Variants in GALNT13 observed in about 807,000 individuals in gnomAD.
The protein encoded by GALNT13 is UDP-GalNAc:polypeptide N-acetylgalactosaminyltransferase 13.
A neutral mutation model predicts 64.2 loss-of-function variants in GALNT13; 28 were observed. The observed-to-expected ratio is 0.44, with a 90% CI of 0.32 to 0.60. GALNT13 has a LOEUF of 0.60. Among genes scored for constraint, GALNT13 ranks in the 20% least tolerant of loss-of-function variants. GALNT13 has a pLI of 0.05. For synonymous variants in GALNT13, 214 were observed against 224.6 expected (o/e 0.95, Z 0.42); for missense variants, 577 against 669.8 (o/e 0.86, Z 1.53).
chr2:153,598,061 G>A, the GALNT13 span, among the ~76,000 whole-genome samples: 1 of 152,060 alleles, frequency 6.6e-6, no homozygotes, highest in African/African-American at 2.4e-5. Flanking sequence ...TTATAAATAT[G>A]AAGTATAAAA....
chr2:153,544,239 T>G, the GALNT13 span, among the ~76,000 whole-genome samples: 1 of 152,194 alleles, frequency 6.6e-6, no homozygotes, highest in African/African-American at 2.4e-5. Context: ...GCTGCATGAG[T>G]TATAAAACCT....
the GALNT13 span, among the ~76,000 whole-genome samples, chr2:153,628,339 C>T: frequency 6.6e-6 from 1 of 152,026 alleles, no homozygotes; most frequent in African/African-American, 2.4e-5. Context: ...CCCTTTATTT[C>T]CTTCTCCTGC....
chr2:154,325,409 C>T (rs553667052), intron 9 of GALNT13, among the ~76,000 whole-genome samples: 300 of 152,190 alleles, frequency 2.0e-3, no homozygotes, highest in Non-Finnish European at 3.6e-3. Context: ...GATTAAGGCC[C>T]TCAAATACAC....
rs143567957 is a variant in GALNT13 at position 154,113,358 on chromosome 2, G to A, written c.143-26979G>A. On this transcript the variant is annotated intron_variant, in intron 3 of 12. Transcript: ENST00000392825. ...CTAGATCTGTTGCGGAGCCTTCTCCGCCTGGATTCCACTCCAAACTGGCAG... is the reference window on the plus strand; with the variant it reads ...CTAGATCTGTTGCGGAGCCTTCTCCACCTGGATTCCACTCCAAACTGGCAG... Among the ~76,000 whole-genome samples, 22 of 152,280 alleles carry A rather than the reference G, an allele frequency of 1.4e-4. No individual in the cohort carries two copies. The East Asian group carries it at 3.5e-3, about 24-fold the overall frequency.
At chr2:153,719,604 G>A in the GALNT13 span, among the ~76,000 whole-genome samples, 2 of 152,126 alleles carry the variant, frequency 1.3e-5, no homozygotes, top group African/African-American at 4.8e-5. Flanking sequence ...GTGGGTGCGC[G>A]CACCGTGCAC....
chr2:153,817,812 T>C, the GALNT13 span, among the ~76,000 whole-genome samples: 2 of 152,204 alleles, frequency 1.3e-5, no homozygotes, highest in African/African-American at 4.8e-5. Flanking sequence ...AAGTATAAAC[T>C]ACCCAAATTT....
the GALNT13 span, among the ~76,000 whole-genome samples, chr2:153,674,043 A>G: frequency 6.6e-6 from 1 of 152,212 alleles, no homozygotes; most frequent in East Asian, 1.9e-4. Context: ...TGCTCAATGA[A>G]ATAAAAGAGG....
chr2:154,381,837 C>T (rs1416475207), intron 9 of GALNT13, among the ~76,000 whole-genome samples: 2 of 152,040 alleles, frequency 1.3e-5, no homozygotes, highest in Non-Finnish European at 2.9e-5. Context: ...ATTTTTTCCC[C>T]AGAATCTTTT....
Position 153,952,159 on chromosome 2 carries a change from T to G in GALNT13, c.142+7520T>G, listed in dbSNP as rs564458593. Among the ~76,000 whole-genome samples the G allele has an allele frequency of 9.9e-5, 15 of 152,250 alleles. No individual in the cohort carries two copies. In the South Asian group the frequency reaches 2.3e-3, roughly 23 times the overall value. On this transcript the variant is annotated intron_variant, in intron 3 of 12. Transcript: ENST00000392825. ...GCTGCTACTCCTAATTTGGCAGAGT[T>G]AGAATAGGTATTTGAGAGAATAGGT... is the stretch of plus-strand genomic sequence containing the variant.
chr2:153,765,245 A>G, the GALNT13 span, among the ~76,000 whole-genome samples: 2 of 152,210 alleles, frequency 1.3e-5, no homozygotes, highest in Non-Finnish European at 2.9e-5. Flanking sequence ...AGACAACGCC[A>G]GCCTGTGAAA....
intron 3 of GALNT13, among the ~76,000 whole-genome samples, chr2:153,972,713 C>T (rs549914838): frequency 6.6e-6 from 1 of 152,034 alleles, no homozygotes. Flanking sequence ...TTTATTGCTT[C>T]AGCTTGTGAT....
the GALNT13 span, among the ~76,000 whole-genome samples, chr2:153,495,225 A>G: frequency 7.4e-4 from 112 of 152,250 alleles, 1 homozygote; most frequent in Non-Finnish European, 1.5e-5. Flanking sequence ...TCCTTTAGAA[A>G]TCTGTTTGGC....
chr2:153,940,273 T>C (rs543102012), intron 2 of GALNT13, among the ~76,000 whole-genome samples: 1 of 151,294 alleles, frequency 6.6e-6, no homozygotes, highest in South Asian at 2.1e-4. Context: ...TTTTTTTTTT[T>C]TTTTGACAGA....
intron 9 of GALNT13, among the ~76,000 whole-genome samples, chr2:154,367,093 A>G (rs1406193484): frequency 1.3e-5 from 2 of 152,180 alleles, no homozygotes; most frequent in African/African-American, 4.8e-5. Context: ...TTGAAATTAT[A>G]TAACAGAGTA....
chr2:153,226,538 T>C, the GALNT13 span, among the ~76,000 whole-genome samples: 17 of 152,314 alleles, frequency 1.1e-4, no homozygotes, highest in South Asian at 3.5e-3. Flanking sequence ...AAAATGGTAC[T>C]TTACCTTGTG....
chr2:153,169,555 T>A, the GALNT13 span, among the ~76,000 whole-genome samples: 10 of 152,162 alleles, frequency 6.6e-5, no homozygotes, highest in African/African-American at 2.4e-4. Context: ...GGGTACTGCA[T>A]GTCTGATGGG....
chr2:153,376,209 A>C, the GALNT13 span, among the ~76,000 whole-genome samples: 1 of 152,168 alleles, frequency 6.6e-6, no homozygotes, highest in Non-Finnish European at 1.5e-5. Context: ...GGTAAAACTG[A>C]GAGGAATGTG....
the GALNT13 span, among the ~76,000 whole-genome samples, chr2:153,588,847 C>G: frequency 6.6e-6 from 1 of 152,182 alleles, no homozygotes; most frequent in Admixed American, 6.5e-5. Flanking sequence ...ACCTATGTCA[C>G]TCCTTGAATG....
intron 9 of GALNT13, among the ~76,000 whole-genome samples, chr2:154,315,754 ATTG>A (rs1205986722): frequency 6.6e-6 from 1 of 152,226 alleles, no homozygotes; most frequent in Non-Finnish European, 1.5e-5. Flanking sequence ...TGAAAGACTT[ATTG>A]TTGGTTACTT....
Sources: allele counts gnomAD v4.1 joint callset (sites outside exome capture counted in the v4.1 genomes callset), GRCh38; gene constraint gnomAD v4.1.1; transcripts MANE v1.5; gene names NCBI Gene and HGNC (gene_info 2026-07-23, HGNC 2026-07-21).